The following SORBS2 variants were observed in gnomAD, a reference collection of about 807,000 sequenced individuals.
SORBS2 encodes the protein sorbin and SH3 domain containing 2, also known as sorbin and SH3 domain-containing protein 2.
In SORBS2, 46 loss-of-function variants were observed where a neutral mutation model predicts 97.7. That is an observed-to-expected ratio of 0.47 (90% CI 0.37 to 0.60). The LOEUF (loss-of-function observed/expected upper bound fraction) is 0.60. Ranked by LOEUF, SORBS2 falls within the 20% of genes least tolerant of loss-of-function variation. The pLI, the probability that SORBS2 is intolerant of heterozygous loss-of-function variation, is 0.00. For synonymous variants in SORBS2, 476 were observed against 473.4 expected (o/e 1.01, Z -0.07); for missense variants, 1,316 against 1,282.3 (o/e 1.03, Z -0.40).
chr4:185,792,988 T>A (rs1039667568), intron 1 of SORBS2, among the ~76,000 whole-genome samples: 3 of 152,228 alleles, frequency 2.0e-5, no homozygotes, highest in Non-Finnish European at 4.4e-5. Flanking sequence ...TCAGAGCGTT[T>A]GTGTGAATAG....
chr4:185,877,957 A>G (rs532355352), intron 1 of SORBS2, among the ~76,000 whole-genome samples: 1 of 152,180 alleles, frequency 6.6e-6, no homozygotes, highest in African/African-American at 2.4e-5. Context: ...AAACAAAAAT[A>G]AACAGTATCC....
At chr4:185,608,509 AT>A (rs33928321) in intron 12 of SORBS2, among the ~76,000 whole-genome samples, 78,585 of 151,302 alleles carry the variant, frequency 0.52, 20,653 homozygotes, top group African/African-American at 0.6. Context: ...CTGAAGTAAA[AT>A]ATACTTACTT....
intron 1 of SORBS2, among the ~76,000 whole-genome samples, chr4:185,776,948 G>T (rs1435533975): frequency 6.6e-6 from 1 of 151,192 alleles, no homozygotes; most frequent in African/African-American, 2.4e-5. Context: ...TTAATGTGAG[G>T]GTTGGTTGCT....
At chr4:185,701,591 G>C (rs998212167) in intron 2 of SORBS2, among the ~76,000 whole-genome samples, 1 of 152,154 alleles carries the variant, frequency 6.6e-6, no homozygotes, top group African/African-American at 2.4e-5. Flanking sequence ...ATTGATTCTA[G>C]TTAATTATGT....
intron 4 of SORBS2, among the ~76,000 whole-genome samples, chr4:185,644,791 G>A (rs1019610509): frequency 1.3e-5 from 2 of 152,188 alleles, no homozygotes; most frequent in Non-Finnish European, 2.9e-5. Context: ...GTAAAACGAG[G>A]AGTCTTTAAA....
intron 1 of SORBS2, among the ~76,000 whole-genome samples, chr4:185,805,985 AG>A (rs1233832080): frequency 6.6e-6 from 1 of 152,246 alleles, no homozygotes; most frequent in Non-Finnish European, 1.5e-5. Context: ...ATTTTTAAGC[AG>A]CCAAGCGTTG....
intron 2 of SORBS2, among the ~76,000 whole-genome samples, chr4:185,746,221 T>G (rs2098759459): frequency 6.6e-6 from 1 of 152,184 alleles, no homozygotes; most frequent in South Asian, 2.1e-4. Flanking sequence ...TCCGCGGACA[T>G]CACCAGAAGG....
At chr4:185,641,047 G>C (rs1043061569) in intron 4 of SORBS2, among the ~76,000 whole-genome samples, 3 of 152,144 alleles carry the variant, frequency 2.0e-5, no homozygotes, top group Admixed American at 6.5e-5. Context: ...AGACTTGTTA[G>C]CTATGTAGCT....
At chr4:185,620,183 G>A in intron 7 of SORBS2, 32 bp from the exon 20 acceptor site, 3 of 1,390,560 alleles carry the variant, frequency 2.2e-6, no homozygotes, top group South Asian at 2.3e-5. Context: ...GTCATGGTGA[G>A]TATCCACTTA....
At chr4:185,924,470 C>T (rs922490855) in intron 1 of SORBS2, among the ~76,000 whole-genome samples, 2 of 152,226 alleles carry the variant, frequency 1.3e-5, no homozygotes, top group Admixed American at 6.5e-5. Flanking sequence ...CCCCCACCGG[C>T]AAGCTTTGAT....
At chr4:185,850,172 G>A (rs1193703651) in intron 1 of SORBS2, among the ~76,000 whole-genome samples, 3 of 152,092 alleles carry the variant, frequency 2.0e-5, no homozygotes, top group Non-Finnish European at 2.9e-5. Flanking sequence ...CCTGCCCCTC[G>A]GGCATGAGTC....
At chr4:185,697,582 A>G (rs1298128133) in intron 2 of SORBS2, among the ~76,000 whole-genome samples, 7 of 152,200 alleles carry the variant, frequency 4.6e-5, no homozygotes, top group African/African-American at 1.7e-4. Flanking sequence ...AAGTGACACT[A>G]TAAAGGTTTT....
At chr4:185,799,972 C>T (rs956365487) in intron 1 of SORBS2, among the ~76,000 whole-genome samples, 10 of 152,104 alleles carry the variant, frequency 6.6e-5, no homozygotes, top group Non-Finnish European at 7.4e-5. Context: ...CTGAGGCAGA[C>T]GGATCACTTA....
chr4:185,933,557 G>A (rs781428297), intron 1 of SORBS2, among the ~76,000 whole-genome samples: 21 of 152,186 alleles, frequency 1.4e-4, no homozygotes, highest in Middle Eastern at 3.4e-3. Flanking sequence ...CTTGCTGGCC[G>A]TCTTTGGCTT....
chr4:185,719,244 T>C (rs940013029), intron 2 of SORBS2, among the ~76,000 whole-genome samples: 1 of 151,946 alleles, frequency 6.6e-6, no homozygotes, highest in Non-Finnish European at 1.5e-5. Flanking sequence ...AAGCAGCAAG[T>C]AAAAGTCACA....
At position 185,656,559 on chromosome 4, in the gene SORBS2, T is replaced by C. The variant is rs1182435465; in HGVS notation, c.24+56A>G. 4 of 1,314,448 alleles carry C rather than the reference T, an allele frequency of 3.0e-6. No individual in the cohort carries two copies. The East Asian group carries it at 1.1e-4, about 35-fold the overall frequency. 81.4% of individuals were successfully genotyped at this position (1,314,448 alleles called of 1,614,324 possible). A position where few individuals can be genotyped will look rare whatever the true frequency, so the allele number is the denominator to read the frequency against. ...TGGCCACACCCCAGCTTTACATGGG[T>C]CTTGCTGCAAAGTATATGCAGCTGC... On this transcript the variant is annotated intron_variant, in intron 1 of 14. Coordinates refer to ENST00000418609, the Ensembl canonical transcript of SORBS2.
intron 2 of SORBS2, among the ~76,000 whole-genome samples, chr4:185,754,205 C>G (rs2098817635): frequency 6.6e-6 from 1 of 152,046 alleles, no homozygotes; most frequent in South Asian, 2.1e-4. Flanking sequence ...GAGAAGAAAA[C>G]CAAATTCTAC....
In SORBS2 at chr4:185,631,498, C is replaced by T. The variant is rs531369574; in HGVS notation, c.397-900G>A. On this transcript the variant is annotated intron_variant, in intron 4 of 14. Coordinates refer to ENST00000418609, the Ensembl canonical transcript of SORBS2. ...AGGGAGATGGCTGGGTGCAGTGGCTCATGCCTGTAATCCCAGCACTTTGGG... is the reference window on the plus strand; with the variant it reads ...AGGGAGATGGCTGGGTGCAGTGGCTTATGCCTGTAATCCCAGCACTTTGGG... Among the ~76,000 whole-genome samples the T allele has an allele frequency of 4.6e-5, 7 of 152,310 alleles. No individual in the cohort carries two copies. The East Asian group carries it at 1.4e-3, about 29-fold the overall frequency.
chr4:185,926,010 A>G (rs1226065737), intron 1 of SORBS2, among the ~76,000 whole-genome samples: 1 of 152,204 alleles, frequency 6.6e-6, no homozygotes, highest in African/African-American at 2.4e-5. Context: ...GACACAGGGA[A>G]CAGCACACAC....
Sources: gnomAD v4.1 joint callset for allele counts (sites outside exome capture counted in the v4.1 genomes callset) on GRCh38, gnomAD v4.1.1 for gene constraint, MANE v1.5 for transcripts, NCBI Gene and HGNC (gene_info 2026-07-23, HGNC 2026-07-21) for gene names.